Variants in IL1RAP observed in about 807,000 individuals in gnomAD.
IL1RAP encodes interleukin-1 receptor accessory protein.
IL1RAP carries 35 observed loss-of-function variants against 60.7 expected under a neutral mutation model. The ratio of observed to expected loss-of-function variants is 0.58; its 90% CI spans 0.44 to 0.76. The LOEUF (loss-of-function observed/expected upper bound fraction) is 0.76. IL1RAP is among the 30% of genes least tolerant of loss of function. The pLI is 0.00. For synonymous variants in IL1RAP, 268 were observed against 250.9 expected, an observed-to-expected ratio of 1.07 and a Z score of -0.64; for missense variants, 572 against 693.9, an observed-to-expected ratio of 0.82 and a Z score of 1.97.
At position 190,648,459 on chromosome 3, in the gene IL1RAP, T is replaced by C; in HGVS notation, c.1467T>C (p.Asn489=). ...ALLELKAGLE[N]MASRGNINVI... ...TGGAGCTCAAGGCTGGCCTAGAAAATATGGCCTCTCGGGGCAACATCAACG... is the reference window on the plus strand; with the variant it reads ...TGGAGCTCAAGGCTGGCCTAGAAAACATGGCCTCTCGGGGCAACATCAACG... Residue 489 remains asparagine, a synonymous_variant, in exon 12 of 12, where the codon AAT becomes AAC. Transcript: ENST00000447382. 12 of 1,614,022 alleles carry C rather than the reference T, an allele frequency of 7.4e-6. No homozygotes were observed. Among genetic ancestry groups the C allele is most frequent in the Non-Finnish European group, 1.0e-5 (12 of 1,179,984 alleles).
chr3:190,544,388 G>GTCT (rs1189500467), intron 1 of IL1RAP, among the ~76,000 whole-genome samples: 3 of 152,182 alleles, frequency 2.0e-5, no homozygotes, highest in African/African-American at 7.2e-5. Context: ...CCACCAGCAT[G>GTCT]TCTTACATCT....
chr3:190,638,875 G>C (rs1043992674), intron 9 of IL1RAP, among the ~76,000 whole-genome samples: 2 of 151,954 alleles, frequency 1.3e-5, no homozygotes, highest in African/African-American at 4.8e-5. Flanking sequence ...ATTTTCACAG[G>C]ATATGTTGAA....
Position 190,562,967 on chromosome 3 carries a change from C to T in IL1RAP, c.-1-1322C>T, listed in dbSNP as rs572237343. Reference sequence around the variant, plus strand: ...GAGCTCACCTGTGATTTGTGTACAACCAGGCTAAAAAAGGAAGCATGAACC... The same window carrying T: ...GAGCTCACCTGTGATTTGTGTACAATCAGGCTAAAAAAGGAAGCATGAACC... On this transcript the variant is annotated intron_variant, in intron 2 of 11. Transcript: ENST00000447382. 6.0e-4 allele frequency among the ~76,000 whole-genome samples: 92 copies of T among 152,156 alleles called. No individual in the cohort carries two copies. In the South Asian group the frequency reaches 7.1e-3, roughly 12 times the overall value.
Position 190,575,966 on chromosome 3 carries a change from A to G in IL1RAP, c.64+11613A>G, listed in dbSNP as rs563540191. ...GTGAAAACAGGAATCCAGAAAAGAA[A>G]GGAAGCCAGCTCTGCAGCTGGCGGC... is the stretch of plus-strand genomic sequence containing the variant. On this transcript the variant is annotated intron_variant, in intron 3 of 11. Transcript: ENST00000447382. Among the ~76,000 whole-genome samples the G allele has an allele frequency of 4.6e-5, 7 of 152,340 alleles. No homozygotes were observed. The South Asian group carries it at 1.4e-3, about 32-fold the overall frequency.
chr3:190,582,999 A>G (rs1728138316), intron 3 of IL1RAP, among the ~76,000 whole-genome samples: 1 of 151,922 alleles, frequency 6.6e-6, no homozygotes, highest in Non-Finnish European at 1.5e-5. Context: ...TCTTCATTCT[A>G]TTTCACTCAG....
chr3:190,557,836 C>G (rs534984338), intron 2 of IL1RAP, among the ~76,000 whole-genome samples: 12 of 152,136 alleles, frequency 7.9e-5, no homozygotes, highest in Non-Finnish European at 1.6e-4. Context: ...GAGTACAGCT[C>G]TTTGAATATT....
At chr3:190,548,722 T>G (rs1245185555) in intron 1 of IL1RAP, among the ~76,000 whole-genome samples, 3 of 152,164 alleles carry the variant, frequency 2.0e-5, no homozygotes, top group African/African-American at 7.2e-5. Context: ...TAGTTTATTT[T>G]TAGACAAAGG....
exon 12 of IL1RAP, chr3:190,656,598 T>C (rs1314484124): frequency 1.3e-6 from 2 of 1,512,880 alleles, no homozygotes; most frequent in Non-Finnish European, 1.8e-6. Flanking sequence ...ACGACTTTTA[T>C]ATCCTATAAT....
intron 5 of IL1RAP, among the ~76,000 whole-genome samples, chr3:190,614,633 C>T (rs528499440): frequency 6.6e-6 from 1 of 152,260 alleles, no homozygotes; most frequent in African/African-American, 2.4e-5. Context: ...ATTTCCAAGG[C>T]CACAGAACTA....
chr3:190,627,569 G>A lies in IL1RAP; in HGVS notation c.902+120G>A, dbSNP rs75438318. On this transcript the variant is annotated intron_variant, in intron 8 of 11. Transcript: ENST00000447382. ...TTTTTCCCTATCACTAACAAAAATC[G>A]GCAAGATTTTCAAATCTTTGGTGAT... is the stretch of plus-strand genomic sequence containing the variant. 1.2e-3 allele frequency: 1,517 copies of A among 1,295,674 alleles called. 4 individuals carry two copies. Among genetic ancestry groups the A allele is most frequent in the Middle Eastern group, 9.6e-3 (43 of 4,496 alleles). The allele number at this position is 1,295,674 out of a possible 1,614,324, so 80.3% of individuals were successfully genotyped here.
At position 190,604,225 on chromosome 3, in the gene IL1RAP, G is replaced by A; in HGVS notation, c.162G>A (p.Leu54=). Residue 54 remains leucine (L), a synonymous_variant, in exon 4 of 12, where the codon TTG becomes TTA. Transcript: ENST00000447382. Reference sequence around the variant, plus strand: ...AGTGCCCACTCTTTGAACACTTCTTGAAATTCAACTACAGCACAGCCCATT... The same window carrying A: ...AGTGCCCACTCTTTGAACACTTCTTAAAATTCAACTACAGCACAGCCCATT... The part of the protein sequence containing the change: ...RIKCPLFEHF[L]KFNYSTAHSA... 1 of 1,614,042 alleles carries A rather than the reference G, an allele frequency of 6.2e-7. No homozygotes were observed. The highest frequency in any genetic ancestry group is 8.5e-7 in the Non-Finnish European group (1 of 1,179,978).
intron 1 of IL1RAP, among the ~76,000 whole-genome samples, chr3:190,531,205 T>C (rs893495158): frequency 9.9e-5 from 15 of 152,238 alleles, no homozygotes; most frequent in Non-Finnish European, 2.1e-4. Context: ...GAGTCTGGAC[T>C]GTGCCACCGT....
intron 9 of IL1RAP, chr3:190,629,750 G>A: frequency 1.7e-6 from 2 of 1,182,128 alleles, no homozygotes; most frequent in Non-Finnish European, 1.0e-6. Flanking sequence ...AGTACAGTGA[G>A]ACACAATTTT....
rs779434567 is a variant in IL1RAP at position 190,609,003 on chromosome 3, C to A, written c.359C>A (p.Thr120Lys). 6.2e-7 allele frequency: 1 copy of A among 1,612,406 alleles called. No individual in the cohort carries two copies. The highest frequency in any genetic ancestry group is 1.3e-5 in the African/African-American group (1 of 74,944). ...TATATTTCTTTTTTCAGGAACACTACATATTGCAGCAAAGTTGCATTTCCC... is the reference window on the plus strand; with the variant it reads ...TATATTTCTTTTTTCAGGAACACTAAATATTGCAGCAAAGTTGCATTTCCC... ...GNYTCMLRNTTYCSKVAFPLE... is the reference protein window; with the variant it reads ...GNYTCMLRNTKYCSKVAFPLE... The change falls in exon 5 of 12, where the codon ACA becomes AAA. Residue 120 changes from threonine (T) to lysine (K), a missense_variant. Coordinates refer to ENST00000447382, the MANE Select transcript of IL1RAP (RefSeq NM_002182.4).
intron 3 of IL1RAP, among the ~76,000 whole-genome samples, chr3:190,569,624 C>G (rs1199940092): frequency 6.6e-6 from 1 of 151,432 alleles, no homozygotes; most frequent in Non-Finnish European, 1.5e-5. Context: ...GCTTGAAGCA[C>G]ACTTATATTT....
At chr3:190,552,393 G>T (rs1371539897) in intron 1 of IL1RAP, among the ~76,000 whole-genome samples, 1 of 152,130 alleles carries the variant, frequency 6.6e-6, no homozygotes, top group Admixed American at 6.5e-5. Context: ...ATTTTTGCAA[G>T]ATTAATTTTT....
intron 4 of IL1RAP, among the ~76,000 whole-genome samples, chr3:190,605,131 C>G (rs1398041102): frequency 6.6e-6 from 1 of 152,072 alleles, no homozygotes; most frequent in Non-Finnish European, 1.5e-5. Flanking sequence ...TATGACAATG[C>G]TTTTTAAACT....
intron 3 of IL1RAP, among the ~76,000 whole-genome samples, chr3:190,582,371 GT>G: frequency 6.6e-6 from 1 of 150,388 alleles, no homozygotes; most frequent in Non-Finnish European, 1.5e-5. Context: ...CCAGGCTGGA[GT>G]TCAGTGGCAC....
At chr3:190,543,584 A>G (rs1472589534) in intron 1 of IL1RAP, among the ~76,000 whole-genome samples, 2 of 152,226 alleles carry the variant, frequency 1.3e-5, no homozygotes, top group South Asian at 4.1e-4. Flanking sequence ...GTTTCATGAA[A>G]GAAGTGGTTT....
Sources: allele counts gnomAD v4.1 joint callset (sites outside exome capture counted in the v4.1 genomes callset), GRCh38; gene constraint gnomAD v4.1.1; transcripts MANE v1.5; gene names NCBI Gene and HGNC (gene_info 2026-07-23, HGNC 2026-07-21).